Variants in SGCD observed in about 807,000 individuals in gnomAD.
The protein encoded by SGCD is delta-sarcoglycan.
A neutral mutation model predicts 36.6 loss-of-function variants in SGCD; 18 were observed. The ratio of observed to expected loss-of-function variants is 0.49; its 90% confidence interval spans 0.34 to 0.73. The LOEUF is 0.73. SGCD is among the 30% of genes least tolerant of loss of function. The probability of loss-of-function intolerance (pLI) is 0.01; values close to 1 mark genes in which losing one functional copy is unlikely to be tolerated. For missense variants in SGCD, 387 were observed against 346.7 expected (o/e 1.12, Z -0.92); for synonymous variants, 133 against 130.6 (o/e 1.02, Z -0.12).
At chr5:156,622,025 C>A (rs935703215) in intron 6 of SGCD, among the ~76,000 whole-genome samples, 2 of 152,148 alleles carry the variant, frequency 1.3e-5, no homozygotes, top group African/African-American at 2.4e-5. Context: ...GACTCTGAAA[C>A]CTGTATTTTG....
At chr5:156,558,559 C>T (rs780715553) in intron 4 of SGCD, among the ~76,000 whole-genome samples, 1 of 152,044 alleles carries the variant, frequency 6.6e-6, no homozygotes, top group Non-Finnish European at 1.5e-5. Flanking sequence ...TACCACTCAC[C>T]GGGGGTAGAA....
chr5:156,224,437 C>G (rs1764797119), intron 3 of SGCD, among the ~76,000 whole-genome samples: 1 of 152,096 alleles, frequency 6.6e-6, no homozygotes, highest in African/African-American at 2.4e-5. Flanking sequence ...AAGAAACAAA[C>G]AAAAGACCAG....
At chr5:155,902,428 G>A (rs1200363593) in intron 1 of SGCD, among the ~76,000 whole-genome samples, 1 of 152,148 alleles carries the variant, frequency 6.6e-6, no homozygotes. Flanking sequence ...CAAACTGGAA[G>A]CAATTATGGT....
At chr5:156,681,074 T>C (rs1753702609) in intron 7 of SGCD, among the ~76,000 whole-genome samples, 1 of 152,178 alleles carries the variant, frequency 6.6e-6, no homozygotes. Context: ...GTCATTCAAC[T>C]CTGCCATCTG....
chr5:156,292,269 A>G (rs746325267), intron 3 of SGCD, among the ~76,000 whole-genome samples: 5 of 152,124 alleles, frequency 3.3e-5, no homozygotes, highest in Admixed American at 2.0e-4. Flanking sequence ...TATACCCGTT[A>G]AACAATAATT....
chr5:156,693,647 A>G (rs1754198840), intron 7 of SGCD, among the ~76,000 whole-genome samples: 1 of 152,166 alleles, frequency 6.6e-6, no homozygotes, highest in South Asian at 2.1e-4. Flanking sequence ...TTAGAGGCAG[A>G]AGGAACTGAC....
At chr5:156,727,836 A>C (rs1755854791) in intron 7 of SGCD, among the ~76,000 whole-genome samples, 1 of 152,220 alleles carries the variant, frequency 6.6e-6, no homozygotes, top group South Asian at 2.1e-4. Flanking sequence ...TCCATCTTTC[A>C]TACAAATTTA....
At chr5:155,970,688 T>C (rs1197532944) in intron 1 of SGCD, among the ~76,000 whole-genome samples, 1 of 152,192 alleles carries the variant, frequency 6.6e-6, no homozygotes, top group Non-Finnish European at 1.5e-5. Flanking sequence ...TGTGACTATG[T>C]CATAGATTTT....
intron 6 of SGCD, among the ~76,000 whole-genome samples, chr5:156,626,856 G>T (rs1052404168): frequency 6.6e-6 from 1 of 152,006 alleles, no homozygotes; most frequent in Non-Finnish European, 1.5e-5. Context: ...GCTCTTCTTG[G>T]GGCAAAGGAT....
chr5:156,205,799 G>A (rs1189780827), intron 3 of SGCD, among the ~76,000 whole-genome samples: 1 of 151,712 alleles, frequency 6.6e-6, no homozygotes, highest in Non-Finnish European at 1.5e-5. Flanking sequence ...AATTGTACTT[G>A]GGGAAATACA....
chr5:156,472,735 A>C (rs1483775578), intron 3 of SGCD, among the ~76,000 whole-genome samples: 1 of 152,124 alleles, frequency 6.6e-6, no homozygotes, highest in East Asian at 1.9e-4. Context: ...GATACAAATA[A>C]ATTTTTTAAA....
At chr5:155,959,631 A>C (rs1248342258) in intron 1 of SGCD, among the ~76,000 whole-genome samples, 1 of 152,136 alleles carries the variant, frequency 6.6e-6, no homozygotes, top group East Asian at 1.9e-4. Context: ...ATTCAATTAA[A>C]TGCTAAGTAA....
At chr5:155,901,017 A>G (rs1238023126) in intron 1 of SGCD, among the ~76,000 whole-genome samples, 1 of 152,148 alleles carries the variant, frequency 6.6e-6, no homozygotes, top group African/African-American at 2.4e-5. Flanking sequence ...AGTTGATGTA[A>G]GATTTAAAAA....
chr5:155,890,074 GAC>G (rs141744051), intron 1 of SGCD, among the ~76,000 whole-genome samples: 2,308 of 152,268 alleles, frequency 0.015, 60 homozygotes, highest in African/African-American at 0.053. Context: ...ACTCATGGTT[GAC>G]ACATGCTCCC....
At chr5:156,376,777 C>A (rs1443481671) in intron 3 of SGCD, among the ~76,000 whole-genome samples, 2 of 151,954 alleles carry the variant, frequency 1.3e-5, no homozygotes, top group Non-Finnish European at 2.9e-5. Flanking sequence ...GCCATAGTCT[C>A]CAAATTTACC....
At chr5:156,512,468 G>A (rs1032328787) in intron 4 of SGCD, among the ~76,000 whole-genome samples, 2 of 152,142 alleles carry the variant, frequency 1.3e-5, no homozygotes, top group African/African-American at 4.8e-5. Context: ...GCCTGGGTGT[G>A]TAGTAGAGTA....
chr5:156,154,844 T>C (rs1366018771), intron 3 of SGCD, among the ~76,000 whole-genome samples: 1 of 151,556 alleles, frequency 6.6e-6, no homozygotes, highest in Admixed American at 6.6e-5. Context: ...GAACTTTCAT[T>C]TCAAGAGGGC....
upstream of SGCD, among the ~76,000 whole-genome samples, chr5:156,326,309 G>A (rs1302594220): frequency 2.0e-5 from 3 of 152,114 alleles, no homozygotes; most frequent in African/African-American, 4.8e-5. Flanking sequence ...AATAATCACA[G>A]GTGCACAGAA....
chr5:155,769,387 A>G, the SGCD span, among the ~76,000 whole-genome samples: 8 of 152,004 alleles, frequency 5.3e-5, no homozygotes, highest in Admixed American at 3.9e-4. Context: ...AAAAAGAAAG[A>G]AAAAAGAAAA....
Sources: gnomAD v4.1 joint callset for allele counts (sites outside exome capture counted in the v4.1 genomes callset) on GRCh38, gnomAD v4.1.1 for gene constraint, MANE v1.5 for transcripts, NCBI Gene and HGNC (gene_info 2026-07-23, HGNC 2026-07-21) for gene names.